The following LCP2 variants were observed in gnomAD, a reference collection of about 807,000 sequenced individuals.
LCP2 encodes the protein 76 kDa tyrosine phosphoprotein.
Under a neutral mutation model 74.5 loss-of-function variants are expected in LCP2, and 29 were observed. That is an observed-to-expected ratio of 0.39 (90% CI 0.29 to 0.53). The LOEUF (loss-of-function observed/expected upper bound fraction) is 0.53. Among genes scored for constraint, LCP2 ranks in the 20% least tolerant of loss-of-function variants. LCP2 has a pLI of 0.72. For synonymous variants in LCP2, 228 were observed against 229.5 expected (o/e 0.99, Z 0.06); for missense variants, 604 against 634.6 (o/e 0.95, Z 0.52).
chr5:170,297,457 C>G (rs1011194434), intron 1 of LCP2, 77 bp downstream of exon 1: 38 of 1,314,460 alleles, frequency 2.9e-5, no homozygotes, highest in Non-Finnish European at 4.0e-5. Flanking sequence ...CATTCTGCCC[C>G]AATTCCATCG....
chr5:170,276,437 A>C (rs1762008925), intron 3 of LCP2, among the ~76,000 whole-genome samples: 1 of 152,124 alleles, frequency 6.6e-6, no homozygotes, highest in Admixed American at 6.5e-5. Context: ...GCGGATTCTT[A>C]TAAAAGTTTG....
intron 3 of LCP2, among the ~76,000 whole-genome samples, chr5:170,281,558 G>A (rs909217326): frequency 5.3e-5 from 8 of 152,220 alleles, no homozygotes; most frequent in Non-Finnish European, 1.0e-4. Flanking sequence ...GGGATTACAG[G>A]CATTTGAGTG....
intron 20 of LCP2, among the ~76,000 whole-genome samples, chr5:170,249,261 G>A (rs937935105): frequency 6.6e-6 from 1 of 151,730 alleles, no homozygotes; most frequent in Non-Finnish European, 1.5e-5. Context: ...GGAGGCAGAG[G>A]TTGCAGTGAG....
chr5:170,268,555 G>A, intron 7 of LCP2, 73 bp from the exon 8 acceptor site: 1 of 188,842 alleles, frequency 5.3e-6, no homozygotes. Context: ...GAACAGATAT[G>A]CAGCTCGGGG....
At chr5:170,285,045 C>T (rs1178763982) in intron 3 of LCP2, among the ~76,000 whole-genome samples, 1 of 152,174 alleles carries the variant, frequency 6.6e-6, no homozygotes, top group Admixed American at 6.5e-5. Flanking sequence ...GCCACTGTGC[C>T]CGGCCCCTTG....
intron 3 of LCP2, among the ~76,000 whole-genome samples, chr5:170,284,762 T>G (rs1177464171): frequency 6.6e-6 from 1 of 151,560 alleles, no homozygotes; most frequent in African/African-American, 2.4e-5. Flanking sequence ...GCTTTTTTTT[T>G]TTTTTTGAGA....
At position 170,248,822 on chromosome 5, in the gene LCP2, GA is replaced by G; in HGVS notation, c.1480-4del. 1 of 1,611,988 alleles carries G rather than the reference GA, an allele frequency of 6.2e-7. No homozygotes were observed. ...ATATCTGACACAGACAGAAAGTCCT[GA>G]AAGAGTCAAGATAGGGAGATGAGTC... is the stretch of plus-strand genomic sequence containing the variant. On this transcript the variant is annotated splice_region_variant and splice_polypyrimidine_tract_variant and intron_variant, in intron 20 of 20. Coordinates refer to ENST00000046794, the MANE Select transcript of LCP2 (RefSeq NM_005565.5).
rs542077975 is a variant in LCP2, at chr5:170,249,973, G to A, written c.1479+757C>T. On this transcript the variant is annotated intron_variant, in intron 20 of 20. Transcript: ENST00000046794. ...GCAGCTCTATCCACTGCCAACCAGC[G>A]ATTCAAACATTTGATCACAAGCATG... is the stretch of plus-strand genomic sequence containing the variant. Among the ~76,000 whole-genome samples the A allele has an allele frequency of 1.1e-4, 16 of 152,242 alleles. No individual in the cohort carries two copies. In the East Asian group the frequency reaches 1.5e-3, roughly 15 times the overall value.
At chr5:170,284,896 G>T (rs114196177) in intron 3 of LCP2, among the ~76,000 whole-genome samples, 1 of 151,836 alleles carries the variant, frequency 6.6e-6, no homozygotes, top group South Asian at 2.1e-4. Flanking sequence ...AACTACAGTC[G>T]CCTGCCACCA....
At chr5:170,257,950 T>G (rs2113159428) in intron 16 of LCP2, 87 bp downstream of exon 16, 1 of 1,453,708 alleles carries the variant, frequency 6.9e-7, no homozygotes, top group Admixed American at 1.7e-5. Flanking sequence ...CGTCATTTCC[T>G]TCTTTCTCAA....
chr5:170,283,416 C>G (rs73804028), intron 3 of LCP2, among the ~76,000 whole-genome samples: 1 of 152,192 alleles, frequency 6.6e-6, no homozygotes, highest in South Asian at 2.1e-4. Context: ...GCTGAAAGTG[C>G]CTTCTTTATC....
At chr5:170,294,658 G>T (rs1341443444) in intron 1 of LCP2, among the ~76,000 whole-genome samples, 1 of 152,196 alleles carries the variant, frequency 6.6e-6, no homozygotes, top group Non-Finnish European at 1.5e-5. Flanking sequence ...TAGCTTGGAA[G>T]GGTGGGATGA....
At chr5:170,289,739 TTTC>T (rs1233125385) in intron 2 of LCP2, among the ~76,000 whole-genome samples, 2 of 126,182 alleles carry the variant, frequency 1.6e-5, no homozygotes, top group Non-Finnish European at 3.1e-5. Context: ...TTTCCTGTCT[TTTC>T]TTTTCTTTTC....
chr5:170,294,814 T>C (rs1762345741), intron 1 of LCP2, among the ~76,000 whole-genome samples: 1 of 152,206 alleles, frequency 6.6e-6, no homozygotes, highest in South Asian at 2.1e-4. Flanking sequence ...TTCTCACTGT[T>C]ATCATTATGA....
intron 17 of LCP2, 36 bp from the exon 18 acceptor site, chr5:170,253,249 G>A (rs1301466568): frequency 2.9e-6 from 4 of 1,396,826 alleles, no homozygotes; most frequent in Non-Finnish European, 4.0e-6. Context: ...TTAATTTACT[G>A]TAAGCTATTG....
rs1243175062 is a variant in LCP2, at chr5:170,247,308, A to G, written c.*1389T>C. ...TGTTAAGGATGAGATTTTGTGAAACACCATTTTTATCATCAGTTAAAAGTC... is the reference window on the plus strand; with the variant it reads ...TGTTAAGGATGAGATTTTGTGAAACGCCATTTTTATCATCAGTTAAAAGTC... On this transcript the variant is annotated 3_prime_UTR_variant, in exon 21 of 21. Transcript: ENST00000046794. 2.0e-5 allele frequency: 3 copies of G among 152,226 alleles called. No homozygotes were observed. The highest frequency in any genetic ancestry group is 2.9e-5 in the Non-Finnish European group (2 of 68,040). The allele number at this position is 152,226 out of a possible 1,614,324, so 9.4% of individuals were successfully genotyped here.
chr5:170,267,185 A>G, intron 8 of LCP2, 110 bp from the exon 9 acceptor site: 1 of 1,079,268 alleles, frequency 9.3e-7, no homozygotes, highest in Non-Finnish European at 1.4e-6. Flanking sequence ...TGTTCTGCCT[A>G]CAAACATCCA....
intron 7 of LCP2, among the ~76,000 whole-genome samples, chr5:170,269,245 C>A (rs1204450235): frequency 2.0e-5 from 3 of 152,210 alleles, no homozygotes; most frequent in East Asian, 3.8e-4. Context: ...TGTCCCTAGG[C>A]CAGGTTGACA....
chr5:170,268,399 C>T lies in LCP2; in HGVS notation c.607G>A (p.Gly203Ser), dbSNP rs1048257724. ...PMAALPPPPAGRNHSPLPPPQ... is the reference protein window; with the variant it reads ...PMAALPPPPASRNHSPLPPPQ... ...AGGAGGCCTACCGAGTGATTCCGGC[C>T]GGCTGGTGGGGGCGGGAGGGCGGCC... Residue 203 changes from glycine to serine, a missense_variant, in exon 8 of 21, where the codon GGC becomes AGC. Gly to Ser is a moderately conservative substitution (Grantham distance 56, BLOSUM62 0). Coordinates refer to ENST00000046794, the MANE Select transcript of LCP2 (RefSeq NM_005565.5). The T allele has an allele frequency of 6.4e-6, 4 of 629,742 alleles. No homozygotes were observed. Among genetic ancestry groups the T allele is most frequent in the Non-Finnish European group, 8.2e-6 (4 of 489,144 alleles). 39.0% of individuals were successfully genotyped at this position (629,742 alleles called of 1,614,324 possible). A position where few individuals can be genotyped will look rare whatever the true frequency, so the allele number is the denominator to read the frequency against.
Sources: gnomAD v4.1 joint callset for allele counts (sites outside exome capture counted in the v4.1 genomes callset) on GRCh38, gnomAD v4.1.1 for gene constraint, MANE v1.5 for transcripts, NCBI Gene and HGNC (gene_info 2026-07-23, HGNC 2026-07-21) for gene names.